Variants in HEATR5B observed in about 807,000 individuals in gnomAD.
HEATR5B encodes the protein HEAT repeat-containing protein 5B.
HEATR5B carries 156 observed loss-of-function variants against 224.1 expected under a neutral mutation model. That is an observed-to-expected ratio of 0.70 (90% confidence interval 0.61 to 0.80). HEATR5B has a LOEUF of 0.80. Among genes scored for constraint, HEATR5B ranks in the 30% least tolerant of loss-of-function variants. The pLI, the probability that HEATR5B is intolerant of heterozygous loss-of-function variation, is 0.00. For missense variants in HEATR5B, 2,323 were observed against 2,535.5 expected, an observed-to-expected ratio of 0.92 and a Z score of 1.80; for synonymous variants, 1,027 against 893.0, an observed-to-expected ratio of 1.15 and a Z score of -2.68.
intron 12 of HEATR5B, among the ~76,000 whole-genome samples, chr2:37,059,711 T>G (rs1404464772): frequency 6.6e-6 from 1 of 151,882 alleles, no homozygotes; most frequent in Non-Finnish European, 1.5e-5. Flanking sequence ...CCACCCGCCT[T>G]GGCTTCCCAA....
At chr2:37,072,608 G>A (rs1671975419) in intron 5 of HEATR5B, among the ~76,000 whole-genome samples, 1 of 152,048 alleles carries the variant, frequency 6.6e-6, no homozygotes, top group South Asian at 2.1e-4. Flanking sequence ...AGATGAAGGA[G>A]AGCAAATTCA....
At chr2:37,004,526 T>C (rs1175299550) in intron 30 of HEATR5B, among the ~76,000 whole-genome samples, 1 of 151,902 alleles carries the variant, frequency 6.6e-6, no homozygotes, top group Admixed American at 6.6e-5. Flanking sequence ...TTTCCCAGCC[T>C]AGATGCTTCC....
chr2:36,987,889 T>C (rs533167595), intron 35 of HEATR5B, among the ~76,000 whole-genome samples: 5 of 152,054 alleles, frequency 3.3e-5, no homozygotes, highest in African/African-American at 1.2e-4. Flanking sequence ...CTGGGCAACA[T>C]GGCAAAAACC....
chr2:37,066,298 T>C (rs1247633775), intron 8 of HEATR5B, among the ~76,000 whole-genome samples: 1 of 152,214 alleles, frequency 6.6e-6, no homozygotes, highest in Non-Finnish European at 1.5e-5. Context: ...AATTTCCTTA[T>C]CTGTTAATGG....
Position 37,059,464 on chromosome 2 carries a change from A to ATTTTTT in HEATR5B, c.1850-483_1850-478dup, listed in dbSNP as rs35615621. 1.5e-4 allele frequency among the ~76,000 whole-genome samples: 10 copies of ATTTTTT among 65,816 alleles called. 2 individuals are homozygous for ATTTTTT. The highest frequency in any genetic ancestry group is 4.2e-4 in the African/African-American group (8 of 19,126). The allele number at this position is 65,816 out of a possible 152,430, so 43.2% of individuals were successfully genotyped here. On this transcript the variant is annotated intron_variant, in intron 12 of 35. Coordinates refer to ENST00000233099, the MANE Select transcript of HEATR5B (RefSeq NM_019024.3). ...TGTGTGTGTATATATATATATATAT[A>ATTTTTT]TTTTTTTTTTTTTTTTTTTGAGAGA...
chr2:37,042,675 C>T (rs989840222), intron 18 of HEATR5B, among the ~76,000 whole-genome samples: 5 of 151,994 alleles, frequency 3.3e-5, no homozygotes, highest in African/African-American at 1.2e-4. Flanking sequence ...GTGGATCACT[C>T]GAGGTCAGGA....
chr2:37,013,235 G>C (rs1390316892), intron 27 of HEATR5B, among the ~76,000 whole-genome samples: 3 of 152,214 alleles, frequency 2.0e-5, no homozygotes, highest in African/African-American at 7.2e-5. Context: ...ATACTGAGCT[G>C]GTAGAGGAAG....
At chr2:37,019,100 G>A (rs916986489) in intron 26 of HEATR5B, among the ~76,000 whole-genome samples, 3 of 151,996 alleles carry the variant, frequency 2.0e-5, no homozygotes, top group African/African-American at 7.3e-5. Flanking sequence ...GGAGGTTACA[G>A]TGAGCAGAGA....
At chr2:36,983,369 AAT>A in intron 35 of HEATR5B, among the ~76,000 whole-genome samples, 1 of 92,412 alleles carries the variant, frequency 1.1e-5, no homozygotes, top group South Asian at 3.7e-4. Flanking sequence ...CTCTACTAAA[AAT>A]ACAAAAAAAA....
intron 25 of HEATR5B, among the ~76,000 whole-genome samples, chr2:37,020,336 C>G (rs1668390336): frequency 2.0e-5 from 3 of 152,216 alleles, no homozygotes; most frequent in Admixed American, 2.0e-4. Context: ...ATCCACAACA[C>G]TCTTTTGAAG....
At chr2:37,073,687 C>T (rs1385072023) in intron 5 of HEATR5B, among the ~76,000 whole-genome samples, 1 of 152,128 alleles carries the variant, frequency 6.6e-6, no homozygotes, top group Non-Finnish European at 1.5e-5. Flanking sequence ...TATATCATGT[C>T]CATAGGGTGG....
At chr2:37,082,954 C>T (rs1013778864) in intron 2 of HEATR5B, among the ~76,000 whole-genome samples, 1 of 151,966 alleles carries the variant, frequency 6.6e-6, no homozygotes, top group African/African-American at 2.4e-5. Flanking sequence ...TTATTGACTC[C>T]TCAAAGAGAT....
chr2:37,049,820 A>G lies in HEATR5B; in HGVS notation c.2529T>C (p.Thr843=). 2.5e-6 allele frequency: 4 copies of G among 1,596,788 alleles called. No individual in the cohort carries two copies. The highest frequency in any genetic ancestry group is 3.4e-6 in the Non-Finnish European group (4 of 1,174,274). The change falls in exon 18 of 36, where the codon ACT becomes ACC. Residue 843 remains threonine, a synonymous_variant. Transcript: ENST00000233099. The part of the protein sequence containing the change: ...ALKGLAENKS[T]LGPEEVRKSA... Reference sequence around the variant, plus strand: ...ATTTACGAACTTCCTCAGGTCCTAAAGTACTTTTGTTTTCAGCTAAGCCCT... The same window carrying G: ...ATTTACGAACTTCCTCAGGTCCTAAGGTACTTTTGTTTTCAGCTAAGCCCT...
chr2:37,039,136 G>A (rs1669715184), intron 20 of HEATR5B, among the ~76,000 whole-genome samples: 1 of 151,312 alleles, frequency 6.6e-6, no homozygotes, highest in Non-Finnish European at 1.5e-5. Flanking sequence ...AGACCAGCCT[G>A]GGCAACATAG....
intron 33 of HEATR5B, 148 bp from the exon 34 acceptor site, chr2:36,990,947 C>T: frequency 1.7e-6 from 1 of 582,308 alleles, no homozygotes; most frequent in Non-Finnish European, 2.8e-6. Context: ...GCCTTGGCCT[C>T]CCAAAGTGCT....
chr2:37,064,523 C>T (rs1671470960), intron 10 of HEATR5B, among the ~76,000 whole-genome samples: 2 of 151,868 alleles, frequency 1.3e-5, no homozygotes, highest in Admixed American at 1.3e-4. Context: ...TAAATTATAA[C>T]ATGTTACTAG....
chr2:37,021,312 T>A (rs1452261104), intron 24 of HEATR5B, among the ~76,000 whole-genome samples: 1 of 152,180 alleles, frequency 6.6e-6, no homozygotes, highest in Non-Finnish European at 1.5e-5. Flanking sequence ...TGTCATTGCC[T>A]CATTTTAAGC....
At chr2:36,996,261 A>G (rs1380941385) in intron 33 of HEATR5B, among the ~76,000 whole-genome samples, 1 of 150,890 alleles carries the variant, frequency 6.6e-6, no homozygotes, top group East Asian at 2.0e-4. Flanking sequence ...GGATTTCACC[A>G]TGTTGGCCAG....
At chr2:37,060,437 T>C in intron 12 of HEATR5B, 144 bp downstream of exon 12, 1 of 673,436 alleles carries the variant, frequency 1.5e-6, no homozygotes, top group Non-Finnish European at 2.3e-6. Flanking sequence ...GGATCATTTA[T>C]AAAGTTTCTA....
Sources: allele counts gnomAD v4.1 joint callset (sites outside exome capture counted in the v4.1 genomes callset), GRCh38; gene constraint gnomAD v4.1.1; transcripts MANE v1.5; gene names NCBI Gene and HGNC (gene_info 2026-07-23, HGNC 2026-07-21).